The following FRMD4A variants were observed in gnomAD, a reference collection of about 807,000 sequenced individuals.
FRMD4A encodes FERM domain-containing protein 4A.
A neutral mutation model predicts 129.1 loss-of-function variants in FRMD4A; 29 were observed. The ratio of observed to expected loss-of-function variants is 0.22; its 90% CI spans 0.17 to 0.31. FRMD4A has a LOEUF of 0.31. Ranked by LOEUF, FRMD4A falls within the 10% of genes least tolerant of loss-of-function variation. FRMD4A has a pLI of 1.00. For missense variants in FRMD4A, 1,272 were observed against 1,375.8 expected, an observed-to-expected ratio of 0.92 and a Z score of 1.19; for synonymous variants, 634 against 571.6, an observed-to-expected ratio of 1.11 and a Z score of -1.56.
chr10:13,914,585 A>T lies in FRMD4A; in HGVS notation c.46-55673T>A, dbSNP rs2094978614. On this transcript the variant is annotated intron_variant, in intron 2 of 24. Coordinates refer to ENST00000357447, the MANE Select transcript of FRMD4A (RefSeq NM_018027.5). ...TATAAAATCCAATTTTTAAAATGACAAAAACTTAGCTTAAAAGCAAGATTC... is the reference window on the plus strand; with the variant it reads ...TATAAAATCCAATTTTTAAAATGACTAAAACTTAGCTTAAAAGCAAGATTC... Among the ~76,000 whole-genome samples, 7 of 152,242 alleles carry T rather than the reference A, an allele frequency of 4.6e-5. No homozygotes were observed. In the South Asian group the frequency reaches 1.4e-3, roughly 32 times the overall value.
chr10:14,107,517 T>C (rs552005299), intron 2 of FRMD4A, among the ~76,000 whole-genome samples: 1 of 152,334 alleles, frequency 6.6e-6, no homozygotes, highest in South Asian at 2.1e-4. Flanking sequence ...TCATTCTAAA[T>C]CTCTGAGACA....
At chr10:14,322,196 G>A (rs563502671) in intron 2 of FRMD4A, among the ~76,000 whole-genome samples, 6 of 152,256 alleles carry the variant, frequency 3.9e-5, no homozygotes, top group African/African-American at 9.6e-5. Flanking sequence ...GGCAGGGGAC[G>A]TGAGTACATA....
At chr10:14,051,472 G>A (rs1331987206) in intron 2 of FRMD4A, among the ~76,000 whole-genome samples, 3 of 152,188 alleles carry the variant, frequency 2.0e-5, no homozygotes, top group East Asian at 1.9e-4. Context: ...CGGGGTGAGC[G>A]CAAGGATAAG....
At chr10:13,698,748 A>C (rs1361670299) in intron 14 of FRMD4A, among the ~76,000 whole-genome samples, 2 of 152,142 alleles carry the variant, frequency 1.3e-5, no homozygotes, top group Non-Finnish European at 2.9e-5. Context: ...AGGATGAAAG[A>C]CCCACCCGGG....
chr10:14,066,090 C>T (rs887652489), intron 2 of FRMD4A, among the ~76,000 whole-genome samples: 9 of 146,690 alleles, frequency 6.1e-5, no homozygotes, highest in Non-Finnish European at 1.2e-4. Flanking sequence ...TAGCTCAGTG[C>T]CTGCAGTATA....
chr10:13,722,322 C>A (rs889518573), intron 12 of FRMD4A, among the ~76,000 whole-genome samples: 1 of 149,194 alleles, frequency 6.7e-6, no homozygotes, highest in East Asian at 2.0e-4. Flanking sequence ...GCCTCGAATT[C>A]CTGGGCTCAA....
At chr10:14,041,270 T>A (rs376334962) in intron 2 of FRMD4A, among the ~76,000 whole-genome samples, 4 of 152,350 alleles carry the variant, frequency 2.6e-5, no homozygotes, top group East Asian at 3.9e-4. Context: ...GAGCTGCTTT[T>A]AAGGGAGTCT....
intron 23 of FRMD4A, chr10:13,652,715 G>GAATC (rs931589101): frequency 6.6e-6 from 1 of 152,350 alleles, no homozygotes; most frequent in Non-Finnish European, 1.5e-5. Flanking sequence ...ATTTTAAAAG[G>GAATC]AATCAGAGGC....
At chr10:13,901,279 C>T (rs557631328) in intron 2 of FRMD4A, among the ~76,000 whole-genome samples, 1 of 152,250 alleles carries the variant, frequency 6.6e-6, no homozygotes, top group South Asian at 2.1e-4. Flanking sequence ...TGCTTCACTG[C>T]AAAAAGCAGC....
intron 2 of FRMD4A, among the ~76,000 whole-genome samples, chr10:14,015,062 T>A (rs2095694373): frequency 7.3e-6 from 1 of 136,240 alleles, no homozygotes; most frequent in South Asian, 2.8e-4. Flanking sequence ...CTTCCTTTTC[T>A]TCTGTCCTTC....
intron 6 of FRMD4A, among the ~76,000 whole-genome samples, chr10:13,771,975 G>A (rs1415165372): frequency 1.3e-5 from 2 of 151,450 alleles, no homozygotes; most frequent in African/African-American, 4.9e-5. Flanking sequence ...TTAGCTGGGT[G>A]TGGTGTCGCA....
intron 2 of FRMD4A, among the ~76,000 whole-genome samples, chr10:13,877,272 G>T (rs2094497965): frequency 6.6e-6 from 1 of 152,154 alleles, no homozygotes; most frequent in Non-Finnish European, 1.5e-5. Context: ...CACCTGCTTT[G>T]CTAAACCTGT....
chr10:13,983,445 A>C (rs911769655), intron 2 of FRMD4A, among the ~76,000 whole-genome samples: 4 of 152,158 alleles, frequency 2.6e-5, no homozygotes, highest in African/African-American at 9.7e-5. Context: ...GAAAATCTAT[A>C]AGGACAATGA....
intron 2 of FRMD4A, among the ~76,000 whole-genome samples, chr10:14,057,717 G>C (rs1347634088): frequency 6.6e-6 from 1 of 152,132 alleles, no homozygotes; most frequent in Admixed American, 6.5e-5. Flanking sequence ...ATTACAGGCA[G>C]GGGCCACCCT....
chr10:14,048,890 TAGAATAGAATAG>T (rs1565211145), intron 2 of FRMD4A, among the ~76,000 whole-genome samples: 1,442 of 81,350 alleles, frequency 0.018, 38 homozygotes, highest in African/African-American at 0.056. Flanking sequence ...TAGAATAGAA[TAGAATAGAATAG>T]AAAATAAAAT....
chr10:14,329,447 A>T (rs895346251), intron 2 of FRMD4A, among the ~76,000 whole-genome samples: 9 of 146,108 alleles, frequency 6.2e-5, no homozygotes, highest in Non-Finnish European at 8.8e-5. Context: ...AAAATTCCAG[A>T]GGGGCATAAG....
chr10:14,170,031 G>A (rs1841393238), intron 2 of FRMD4A, among the ~76,000 whole-genome samples: 1 of 152,006 alleles, frequency 6.6e-6, no homozygotes, highest in Non-Finnish European at 1.5e-5. Flanking sequence ...TATTCTCCAT[G>A]GAATCCTGGC....
Position 14,039,450 on chromosome 10 carries a change from CAA to C in FRMD4A, c.46-180540_46-180539del. 6.8e-5 allele frequency among the ~76,000 whole-genome samples: 5 copies of C among 73,240 alleles called. No individual in the cohort carries two copies. In the South Asian group the frequency reaches 1.3e-3, roughly 20 times the overall value. The allele number at this position is 73,240 out of a possible 152,430, so 48.0% of individuals were successfully genotyped here. A position where few individuals can be genotyped will look rare whatever the true frequency, so the allele number is the denominator to read the frequency against. On this transcript the variant is annotated intron_variant, in intron 2 of 24. Transcript: ENST00000357447. ...TCTATCTATATTGGAACCCCAAAATCAATCAATCTATCTATCTATCTATCTAT... is the reference window on the plus strand; with the variant it reads ...TCTATCTATATTGGAACCCCAAAATCTCAATCTATCTATCTATCTATCTAT...
intron 2 of FRMD4A, among the ~76,000 whole-genome samples, chr10:14,320,315 A>G (rs1465794806): frequency 6.6e-6 from 1 of 152,068 alleles, no homozygotes; most frequent in African/African-American, 2.4e-5. Context: ...CTAGCAGTCC[A>G]TCTCTTCCAT....
Sources: allele counts gnomAD v4.1 joint callset (sites outside exome capture counted in the v4.1 genomes callset), GRCh38; gene constraint gnomAD v4.1.1; transcripts MANE v1.5; gene names NCBI Gene and HGNC (gene_info 2026-07-23, HGNC 2026-07-21).